The following RXFP1 variants were observed in gnomAD, a reference collection of about 807,000 sequenced individuals.
The protein encoded by RXFP1 is relaxin receptor 1.
In RXFP1, 73 loss-of-function variants were observed where a neutral mutation model predicts 89.8. That is an observed-to-expected ratio of 0.81 (90% CI 0.67 to 0.99). The LOEUF is 0.99. Ranked by LOEUF, RXFP1 falls within the 50% of genes least tolerant of loss-of-function variation. The probability of loss-of-function intolerance (pLI) is 0.00; values close to 1 mark genes in which losing one functional copy is unlikely to be tolerated. For missense variants in RXFP1, 793 were observed against 895.5 expected, an observed-to-expected ratio of 0.89 and a Z score of 1.46; for synonymous variants, 277 against 305.5, an observed-to-expected ratio of 0.91 and a Z score of 0.97.
intron 3 of RXFP1, among the ~76,000 whole-genome samples, chr4:158,596,641 G>A (rs905560710): frequency 9.9e-5 from 15 of 152,126 alleles, no homozygotes; most frequent in Admixed American, 9.8e-4. Flanking sequence ...TTAAAATACA[G>A]CTACTAAAAG....
intron 1 of RXFP1, among the ~76,000 whole-genome samples, chr4:158,543,168 G>C (rs1384429258): frequency 1.3e-5 from 2 of 152,014 alleles, no homozygotes; most frequent in African/African-American, 4.8e-5. Flanking sequence ...CTGGCATTGC[G>C]GCAGCTATTC....
intron 14 of RXFP1, among the ~76,000 whole-genome samples, chr4:158,641,432 T>C (rs1770358047): frequency 6.6e-6 from 1 of 152,136 alleles, no homozygotes; most frequent in Non-Finnish European, 1.5e-5. Flanking sequence ...AACACTATTA[T>C]CAGAAGAGTG....
At position 158,607,907 on chromosome 4, in the gene RXFP1, C is replaced by A. The variant is rs983767766; in HGVS notation, c.465-65C>A. 4.7e-6 allele frequency: 5 copies of A among 1,071,540 alleles called. No individual in the cohort carries two copies. The African/African-American group carries it at 6.4e-5, about 14-fold the overall frequency. 66.4% of individuals were successfully genotyped at this position (1,071,540 alleles called of 1,614,324 possible). A position where few individuals can be genotyped will look rare whatever the true frequency, so the allele number is the denominator to read the frequency against. ...ATCACCATCATCCATCCACAGAATT[C>A]TTTTTGTCTTGCAAAAGTGAAACTC... On this transcript the variant is annotated intron_variant, in intron 5 of 17. Coordinates refer to ENST00000307765, the MANE Select transcript of RXFP1 (RefSeq NM_021634.4).
At chr4:158,574,766 T>C (rs1285904087) in intron 2 of RXFP1, among the ~76,000 whole-genome samples, 1 of 152,212 alleles carries the variant, frequency 6.6e-6, no homozygotes, top group Non-Finnish European at 1.5e-5. Context: ...TTTTGCCACT[T>C]CTTAGTTTGA....
chr4:158,551,290 T>A (rs72963716), intron 1 of RXFP1, among the ~76,000 whole-genome samples: 3,549 of 152,054 alleles, frequency 0.023, 123 homozygotes, highest in African/African-American at 0.077. Flanking sequence ...GAGAGTCGAG[T>A]GGGGAGTACC....
chr4:158,599,456 C>T (rs1406672337), intron 4 of RXFP1, 25 bp downstream of exon 4: 1 of 1,587,338 alleles, frequency 6.3e-7, no homozygotes, highest in Non-Finnish European at 8.6e-7. Context: ...ATTACTTCAT[C>T]CTGACAGCTG....
chr4:158,609,491 A>G (rs1763158169), intron 6 of RXFP1, among the ~76,000 whole-genome samples: 1 of 152,224 alleles, frequency 6.6e-6, no homozygotes, highest in African/African-American at 2.4e-5. Context: ...AAGTATAACC[A>G]AAAATCACAT....
At chr4:158,644,111 A>G (rs994518033) in intron 14 of RXFP1, among the ~76,000 whole-genome samples, 12 of 142,876 alleles carry the variant, frequency 8.4e-5, no homozygotes, top group Admixed American at 6.0e-4. Flanking sequence ...CAGTGGCACG[A>G]TCTGGGCTCA....
At chr4:158,584,049 A>C (rs1026117851) in intron 2 of RXFP1, among the ~76,000 whole-genome samples, 3 of 152,178 alleles carry the variant, frequency 2.0e-5, no homozygotes, top group Admixed American at 6.5e-5. Context: ...TCTTGTGGGT[A>C]ATAACCTCAT....
chr4:158,530,194 G>A (rs13105791), intron 1 of RXFP1, among the ~76,000 whole-genome samples: 5 of 152,268 alleles, frequency 3.3e-5, no homozygotes, highest in African/African-American at 4.8e-5. Context: ...ATTTATATGC[G>A]TGTGTGCCTG....
chr4:158,598,078 G>A (rs1040053086), intron 3 of RXFP1, among the ~76,000 whole-genome samples: 5 of 152,254 alleles, frequency 3.3e-5, no homozygotes, highest in African/African-American at 1.2e-4. Context: ...AGCTCCTCAT[G>A]AACAGTCATT....
intron 6 of RXFP1, 25 bp downstream of exon 6, chr4:158,608,068 GC>G: frequency 6.7e-7 from 1 of 1,492,288 alleles, no homozygotes; most frequent in Non-Finnish European, 9.3e-7. Context: ...GAATTAATTT[GC>G]CCATTCCATG....
At chr4:158,583,096 T>C (rs539399246) in intron 2 of RXFP1, among the ~76,000 whole-genome samples, 1 of 152,338 alleles carries the variant, frequency 6.6e-6, no homozygotes, top group South Asian at 2.1e-4. Flanking sequence ...GAAAACTTTG[T>C]TAATGCCCCA....
chr4:158,568,181 C>G (rs767939854), intron 1 of RXFP1, among the ~76,000 whole-genome samples: 5 of 152,180 alleles, frequency 3.3e-5, no homozygotes, highest in Admixed American at 1.3e-4. Flanking sequence ...ATCCGAACAT[C>G]AGAACTCTAG....
chr4:158,623,545 A>G (rs28695669), intron 9 of RXFP1, among the ~76,000 whole-genome samples: 37,544 of 145,088 alleles, frequency 0.26, 8,279 homozygotes, highest in African/African-American at 0.6. Context: ...ACTACTTCTC[A>G]CTCCATAAAA....
chr4:158,573,741 G>A (rs1242357393), intron 2 of RXFP1, among the ~76,000 whole-genome samples: 1 of 152,254 alleles, frequency 6.6e-6, no homozygotes, highest in South Asian at 2.1e-4. Context: ...GTAAGCTTGA[G>A]AACATTTCCT....
chr4:158,568,333 A>G (rs1754217248), intron 1 of RXFP1, among the ~76,000 whole-genome samples: 2 of 152,364 alleles, frequency 1.3e-5, no homozygotes, highest in South Asian at 4.1e-4. Context: ...ATAAATTTTA[A>G]AGACTGGACA....
rs1259389897 is a variant in RXFP1, at chr4:158,568,826, A to G, written c.50-3872A>G. On this transcript the variant is annotated intron_variant, in intron 1 of 17. Transcript: ENST00000307765. ...TGCCCTGTTATTAAGAAGTCCCGCTATACTTCACAAAGGAAGTAGTCACTT... is the reference window on the plus strand; with the variant it reads ...TGCCCTGTTATTAAGAAGTCCCGCTGTACTTCACAAAGGAAGTAGTCACTT... Among the ~76,000 whole-genome samples, 6 of 152,240 alleles carry G rather than the reference A, an allele frequency of 3.9e-5. No homozygotes were observed. The East Asian group carries it at 1.2e-3, about 29-fold the overall frequency.
At position 158,572,710 on chromosome 4, in the gene RXFP1, G is replaced by A. The variant is rs1755343308; in HGVS notation, c.62G>A (p.Gly21Asp). Residue 21 changes from glycine to aspartate, a missense_variant, in exon 2 of 18, where the codon GGT becomes GAT. Coordinates refer to ENST00000307765, the MANE Select transcript of RXFP1 (RefSeq NM_021634.4). The stretch of plus-strand genomic sequence containing the variant: ...CCCTTTTCCTCAGTTTCTCATGGGG[G>A]TGGACAGGATGTCAAGTGCTCCCTT... ...LIFGKYFSHG[G>D]GQDVKCSLGY... The A allele has an allele frequency of 6.2e-7, 1 of 1,614,012 alleles. No homozygotes were observed. The highest frequency in any genetic ancestry group is 8.5e-7 in the Non-Finnish European group (1 of 1,180,000).
Sources: gnomAD v4.1 joint callset for allele counts (sites outside exome capture counted in the v4.1 genomes callset) on GRCh38, gnomAD v4.1.1 for gene constraint, MANE v1.5 for transcripts, NCBI Gene and HGNC (gene_info 2026-07-23, HGNC 2026-07-21) for gene names.